RANBP2: variants seen among roughly 807,000 people sequenced by gnomAD.
RANBP2 encodes the protein E3 SUMO-protein ligase RanBP2.
RANBP2 carries 57 observed loss-of-function variants against 303.6 expected under a neutral mutation model. The ratio of observed to expected loss-of-function variants is 0.19; its 90% CI spans 0.15 to 0.23. The LOEUF (loss-of-function observed/expected upper bound fraction) is 0.23, where lower values mean the gene tolerates loss of function less well. RANBP2 is among the 10% of genes least tolerant of loss of function. RANBP2 has a pLI of 1.00. For missense variants in RANBP2, 3,138 were observed against 3,780.8 expected (o/e 0.83, Z 4.46); for synonymous variants, 1,167 against 1,301.5 (o/e 0.90, Z 2.23).
At chr2:109,625,637 G>A in the RANBP2 span, among the ~76,000 whole-genome samples, 41 of 152,252 alleles carry the variant, frequency 2.7e-4, no homozygotes, top group African/African-American at 9.9e-4. Flanking sequence ...CTGCACTCCA[G>A]CCTTGGTGAC....
At chr2:109,449,193 C>G in the RANBP2 span, 8,180 of 1,613,708 alleles carry the variant, frequency 5.1e-3, 26 homozygotes, top group Non-Finnish European at 6.3e-3. Context: ...AGCCCAGGCT[C>G]AGGACCGGCC....
intron 1 of RANBP2, among the ~76,000 whole-genome samples, chr2:108,720,980 C>T (rs947489949): frequency 6.6e-6 from 1 of 151,950 alleles, no homozygotes; most frequent in African/African-American, 2.4e-5. Flanking sequence ...ACCCGGGAGG[C>T]GGAGGTTCCA....
chr2:109,357,339 G>A, the RANBP2 span, among the ~76,000 whole-genome samples: 2 of 152,004 alleles, frequency 1.3e-5, no homozygotes, highest in Non-Finnish European at 2.9e-5. Flanking sequence ...CCACCACCAT[G>A]CCCGGATAAT....
the RANBP2 span, among the ~76,000 whole-genome samples, chr2:109,653,822 A>G: frequency 6.6e-6 from 1 of 152,210 alleles, no homozygotes; most frequent in South Asian, 2.1e-4. Flanking sequence ...AATCAAACAA[A>G]CAAACTGCTA....
At chr2:109,501,512 G>A in the RANBP2 span, 1 of 778,242 alleles carries the variant, frequency 1.3e-6, no homozygotes, top group Non-Finnish European at 2.4e-6. Flanking sequence ...GGTACCGCGT[G>A]GTGGTCTCGT....
At chr2:109,649,354 T>A in the RANBP2 span, among the ~76,000 whole-genome samples, 111 of 152,302 alleles carry the variant, frequency 7.3e-4, no homozygotes, top group African/African-American at 2.5e-3. Flanking sequence ...GTACTTTAAA[T>A]CTATTGTAGG....
At chr2:109,400,415 C>G in the RANBP2 span, among the ~76,000 whole-genome samples, 13 of 152,178 alleles carry the variant, frequency 8.5e-5, no homozygotes, top group African/African-American at 3.1e-4. Flanking sequence ...CACATATACA[C>G]CTGTGCACAT....
chr2:109,013,796 C>T, the RANBP2 span, among the ~76,000 whole-genome samples: 1 of 152,054 alleles, frequency 6.6e-6, no homozygotes, highest in Non-Finnish European at 1.5e-5. Context: ...GCCAGCTGGT[C>T]TGGAACTCTT....
At chr2:109,432,929 C>T in the RANBP2 span, among the ~76,000 whole-genome samples, 4 of 152,244 alleles carry the variant, frequency 2.6e-5, no homozygotes, top group African/African-American at 9.6e-5. Context: ...GGAGCAGGGA[C>T]AGGAAAGTCA....
At chr2:109,456,238 G>A in the RANBP2 span, among the ~76,000 whole-genome samples, 3 of 152,204 alleles carry the variant, frequency 2.0e-5, no homozygotes, top group Non-Finnish European at 4.4e-5. Flanking sequence ...TGGGCAGAAG[G>A]GGTCGCAGAG....
chr2:108,747,009 G>GGAGA (rs1395937864), intron 8 of RANBP2, among the ~76,000 whole-genome samples: 1 of 152,164 alleles, frequency 6.6e-6, no homozygotes, highest in Non-Finnish European at 1.5e-5. Flanking sequence ...GTTCCTAGGT[G>GGAGA]GAGAGGATTT....
the RANBP2 span, among the ~76,000 whole-genome samples, chr2:109,383,477 CTT>C: frequency 6.6e-6 from 1 of 152,200 alleles, no homozygotes; most frequent in Non-Finnish European, 1.5e-5. Context: ...TCATTCTTCT[CTT>C]GTCTTCATGC....
the RANBP2 span, among the ~76,000 whole-genome samples, chr2:109,152,171 A>G: frequency 6.6e-5 from 10 of 152,348 alleles, no homozygotes; most frequent in South Asian, 2.1e-3. Context: ...TTCCTAGGAA[A>G]AGTGCTCAGC....
chr2:109,475,944 A>G, the RANBP2 span, among the ~76,000 whole-genome samples: 1 of 152,170 alleles, frequency 6.6e-6, no homozygotes, highest in Non-Finnish European at 1.5e-5. Flanking sequence ...AGGCCAACCA[A>G]AAACTTCCTG....
chr2:109,187,277 G>A, the RANBP2 span, among the ~76,000 whole-genome samples: 52 of 152,084 alleles, frequency 3.4e-4, no homozygotes, highest in African/African-American at 1.2e-3. Flanking sequence ...AAAACTCTTC[G>A]ATCTGATGTG....
chr2:109,305,430 A>G, the RANBP2 span, among the ~76,000 whole-genome samples: 2 of 152,052 alleles, frequency 1.3e-5, no homozygotes, highest in African/African-American at 2.4e-5. Flanking sequence ...CGTGCTTCCT[A>G]TTTCCCTGTC....
At chr2:109,037,651 A>G in the RANBP2 span, among the ~76,000 whole-genome samples, 1 of 152,220 alleles carries the variant, frequency 6.6e-6, no homozygotes, top group Non-Finnish European at 1.5e-5. Context: ...TGTCATTTCT[A>G]TATATTAACA....
chr2:108,857,894 T>C, the RANBP2 span, among the ~76,000 whole-genome samples: 4,914 of 152,358 alleles, frequency 0.032, 115 homozygotes, highest in Middle Eastern at 0.078. Flanking sequence ...AGAGATGGCA[T>C]CTTTCTCGTT....
At chr2:109,565,883 C>A in the RANBP2 span, 3 of 1,558,058 alleles carry the variant, frequency 1.9e-6, no homozygotes, top group Non-Finnish European at 2.7e-6. Flanking sequence ...TCGAGCACAT[C>A]TTCTCATACC....
Sources: gnomAD v4.1 joint callset for allele counts (sites outside exome capture counted in the v4.1 genomes callset) on GRCh38, gnomAD v4.1.1 for gene constraint, MANE v1.5 for transcripts, NCBI Gene and HGNC (gene_info 2026-07-23, HGNC 2026-07-21) for gene names.